The following INTS6 variants were observed in gnomAD, a reference collection of about 807,000 sequenced individuals.
INTS6 encodes the protein integrator complex subunit 6, also known as DEAD box protein.
In INTS6, 16 loss-of-function variants were observed where a neutral mutation model predicts 104.9. The ratio of observed to expected loss-of-function variants is 0.15; its 90% CI spans 0.10 to 0.23. The LOEUF (loss-of-function observed/expected upper bound fraction) is 0.23. Ranked by LOEUF, INTS6 falls within the 10% of genes least tolerant of loss-of-function variation. The pLI is 1.00. For synonymous variants in INTS6, 324 were observed against 358.7 expected, an observed-to-expected ratio of 0.90 and a Z score of 1.09; for missense variants, 584 against 1,062.8, an observed-to-expected ratio of 0.55 and a Z score of 6.26.
downstream of INTS6, chr13:51,361,350 C>A: frequency 5.0e-6 from 8 of 1,605,298 alleles, no homozygotes; most frequent in South Asian, 1.1e-5. Flanking sequence ...GGCACCAAGG[C>A]ATCTGGAGCC....
At chr13:51,417,656 C>T (rs369765307) in intron 4 of INTS6, among the ~76,000 whole-genome samples, 25 of 152,072 alleles carry the variant, frequency 1.6e-4, no homozygotes, top group East Asian at 7.7e-4. Context: ...GGGGTTTCAC[C>T]GGGTTGGCCA....
At chr13:51,404,724 T>C (rs1366250915) in intron 4 of INTS6, among the ~76,000 whole-genome samples, 1 of 152,222 alleles carries the variant, frequency 6.6e-6, no homozygotes, top group African/African-American at 2.4e-5. Context: ...ATTTTTAACT[T>C]CATATACCAA....
At chr13:51,346,441 G>A in the INTS6 span, among the ~76,000 whole-genome samples, 1 of 152,180 alleles carries the variant, frequency 6.6e-6, no homozygotes, top group Non-Finnish European at 1.5e-5. Context: ...AGAACCAGGA[G>A]CAGCATCCCA....
the INTS6 span, among the ~76,000 whole-genome samples, chr13:51,346,335 C>T: frequency 3.9e-5 from 6 of 151,982 alleles, no homozygotes; most frequent in Non-Finnish European, 8.8e-5. Flanking sequence ...GGACTGGGGG[C>T]GACAATGTGC....
intron 4 of INTS6, among the ~76,000 whole-genome samples, chr13:51,411,162 G>A (rs538277821): frequency 1.2e-4 from 18 of 151,820 alleles, no homozygotes; most frequent in Admixed American, 2.0e-4. Flanking sequence ...GTAGTGAGCC[G>A]AGATCGCGCC....
At chr13:51,449,565 G>A in intron 3 of INTS6, 1 of 984,992 alleles carries the variant, frequency 1.0e-6, no homozygotes, top group Non-Finnish European at 1.2e-6. Flanking sequence ...TGCAGAAAAA[G>A]AGGAAACTAA....
intron 3 of INTS6, chr13:51,444,334 A>C (rs1174487138): frequency 2.9e-5 from 4 of 136,312 alleles, no homozygotes; most frequent in Non-Finnish European, 6.1e-5. Flanking sequence ...CAAACTCCTG[A>C]CCTCAAGTGA....
chr13:51,374,844 C>T (rs1955885755), intron 13 of INTS6, 48 bp from the exon 14 acceptor site: 1 of 1,590,854 alleles, frequency 6.3e-7, no homozygotes, highest in East Asian at 2.2e-5. Context: ...CCAATTAGTT[C>T]TCAAATAATG....
chr13:51,429,679 G>A (rs1191982172), intron 4 of INTS6, among the ~76,000 whole-genome samples: 1 of 144,132 alleles, frequency 6.9e-6, no homozygotes, highest in Non-Finnish European at 1.5e-5. Flanking sequence ...CACAAGAATC[G>A]CTTGAACCCA....
intron 3 of INTS6, chr13:51,446,318 ATAAT>A (rs1388769136): frequency 6.6e-6 from 1 of 152,320 alleles, no homozygotes; most frequent in African/African-American, 2.4e-5. Context: ...CTTAACATAA[ATAAT>A]TATTAGGAAA....
Position 51,355,123 on chromosome 13 carries a change from C to G in INTS6, n.431-787G>C, listed in dbSNP as rs1340151775. On this transcript the variant is annotated intron_variant and non_coding_transcript_variant, in intron 3 of 3. Coordinates refer to the INTS6 transcript ENST00000476666. ...ACCGATCTTTTTGATCCACTCAAAG[C>G]TAACTTGAAAGGAATTTCAGGTAAA... 5 of 1,535,966 alleles carry G rather than the reference C, an allele frequency of 3.3e-6. No homozygotes were observed. The South Asian group carries it at 6.0e-5, about 18-fold the overall frequency.
intron 6 of INTS6, 87 bp downstream of exon 6, chr13:51,389,232 T>G: frequency 6.9e-7 from 1 of 1,450,208 alleles, no homozygotes; most frequent in Non-Finnish European, 9.3e-7. Flanking sequence ...TTGCCTATCT[T>G]AAGGCCAAAT....
At position 51,362,064 on chromosome 13, in the gene INTS6, G is replaced by GT; in HGVS notation, c.*3687dup. The stretch of plus-strand genomic sequence containing the variant: ...CTATCCTAAGAAAGGGGACTATTTC[G>GT]TAAGTACAAAGGAAACTTATCCTCC... On this transcript the variant is annotated 3_prime_UTR_variant, in exon 18 of 18. Coordinates refer to ENST00000311234, the MANE Select transcript of INTS6 (RefSeq NM_012141.3). 6 of 1,569,332 alleles carry GT rather than the reference G, an allele frequency of 3.8e-6. No individual in the cohort carries two copies. The highest frequency in any genetic ancestry group is 5.1e-6 in the Non-Finnish European group (6 of 1,165,924).
At chr13:51,415,512 G>A (rs971513883) in intron 4 of INTS6, among the ~76,000 whole-genome samples, 10 of 152,014 alleles carry the variant, frequency 6.6e-5, no homozygotes, top group Non-Finnish European at 1.3e-4. Context: ...AAGATCTGAT[G>A]GTTTTAAAAA....
Position 51,364,144 on chromosome 13 carries a change from G to T in INTS6, c.*1608C>A. 1 of 539,010 alleles carries T rather than the reference G, an allele frequency of 1.9e-6. No homozygotes were observed. The highest frequency in any genetic ancestry group is 3.1e-6 in the Non-Finnish European group (1 of 320,812). 33.4% of individuals were successfully genotyped at this position (539,010 alleles called of 1,614,324 possible). ...AATTCCATCTATTAAATGTTATCTT[G>T]CATTACTTAAAAGTATTTGTATAGA... On this transcript the variant is annotated 3_prime_UTR_variant, in exon 18 of 18. Coordinates refer to ENST00000311234, the MANE Select transcript of INTS6 (RefSeq NM_012141.3).
At chr13:51,376,945 G>A (rs1156600328) in intron 12 of INTS6, among the ~76,000 whole-genome samples, 1 of 152,140 alleles carries the variant, frequency 6.6e-6, no homozygotes, top group Admixed American at 6.5e-5. Flanking sequence ...CAAGTAGAAT[G>A]ACTGATTGTA....
At chr13:51,366,414 C>T (rs560590511) in intron 17 of INTS6, among the ~76,000 whole-genome samples, 31 of 152,104 alleles carry the variant, frequency 2.0e-4, no homozygotes, top group African/African-American at 7.5e-4. Context: ...GTTCAAGTAA[C>T]AACTTTTAAA....
intron 4 of INTS6, among the ~76,000 whole-genome samples, chr13:51,403,079 C>A (rs1473744794): frequency 1.3e-5 from 2 of 152,036 alleles, no homozygotes; most frequent in Non-Finnish European, 1.5e-5. Flanking sequence ...TCTCAGATAA[C>A]CAAAATTCTC....
intron 15 of INTS6, 141 bp downstream of exon 15, chr13:51,374,067 C>T (rs1288799780): frequency 3.2e-6 from 2 of 617,716 alleles, no homozygotes; most frequent in South Asian, 2.2e-5. Context: ...TGATTACATG[C>T]TCATTTAAAC....
Sources: allele counts gnomAD v4.1 joint callset (sites outside exome capture counted in the v4.1 genomes callset), GRCh38; gene constraint gnomAD v4.1.1; transcripts MANE v1.5; gene names NCBI Gene and HGNC (gene_info 2026-07-23, HGNC 2026-07-21).